The following SMIM35 variants were observed in gnomAD, a reference collection of about 807,000 sequenced individuals.
SMIM35 encodes the protein TMPRSS4 antisense RNA 1 (non-protein coding).
At chr11:118,067,642 T>C (rs1233396244) in intron 1 of SMIM35, 1 of 151,702 alleles carries the variant, frequency 6.6e-6, no homozygotes, top group African/African-American at 2.4e-5. Flanking sequence ...AAGACCAGCC[T>C]GGCCAAGATG....
chr11:118,061,707 G>T (rs1389708469), intron 1 of SMIM35, among the ~76,000 whole-genome samples: 1 of 152,088 alleles, frequency 6.6e-6, no homozygotes, highest in Non-Finnish European at 1.5e-5. Flanking sequence ...GCTGGACACC[G>T]ATTAGCTTGG....
chr11:118,085,569 A>G (rs1310082816), intron 1 of SMIM35, among the ~76,000 whole-genome samples: 1 of 152,136 alleles, frequency 6.6e-6, no homozygotes, highest in Non-Finnish European at 1.5e-5. Flanking sequence ...AGATGGTATA[A>G]ACTCTGTCTT....
At position 118,025,393 on chromosome 11, in the gene SMIM35, T is replaced by C. The variant is rs759578902; in HGVS notation, c.8-9584A>G. The C allele has an allele frequency of 1.1e-5, 4 of 377,086 alleles. No homozygotes were observed. The East Asian group carries it at 2.4e-4, about 23-fold the overall frequency. 23.4% of individuals were successfully genotyped at this position (377,086 alleles called of 1,614,324 possible). On this transcript the variant is annotated intron_variant, in intron 1 of 4. Coordinates refer to ENST00000689828, the MANE Select transcript of SMIM35 (RefSeq NM_001394165.1). ...TTTACATTTTACATTTACATTTTAA[T>C]TTACATTTCGACCAACAGTGTGTAA...
At chr11:118,038,222 T>C (rs1315161888) in intron 1 of SMIM35, among the ~76,000 whole-genome samples, 1 of 152,336 alleles carries the variant, frequency 6.6e-6, no homozygotes, top group East Asian at 1.9e-4. Context: ...TGAACTGAAC[T>C]CCAGACCCCT....
At chr11:118,011,381 G>A (rs2058149795) in intron 4 of SMIM35, among the ~76,000 whole-genome samples, 1 of 152,174 alleles carries the variant, frequency 6.6e-6, no homozygotes, top group Non-Finnish European at 1.5e-5. Flanking sequence ...TGCTAGGCAG[G>A]GTGCGGGTAC....
intron 1 of SMIM35, among the ~76,000 whole-genome samples, chr11:118,041,144 A>G (rs778735498): frequency 6.6e-6 from 1 of 152,176 alleles, no homozygotes; most frequent in African/African-American, 2.4e-5. Flanking sequence ...TAATTAAAAC[A>G]TTAAGCATCA....
chr11:118,012,804 T>A lies in SMIM35; in HGVS notation c.*33+944A>T, dbSNP rs566574966. Among the ~76,000 whole-genome samples the A allele has an allele frequency of 2.4e-4, 36 of 152,270 alleles. No individual in the cohort carries two copies. The South Asian group carries it at 7.2e-3, about 31-fold the overall frequency. ...GCCTCAGGTGGGAATGTTAAAACCA[T>A]GTCTGGAATCACCTCTGTATAACTT... On this transcript the variant is annotated intron_variant, in intron 4 of 4. Coordinates refer to ENST00000689828, the MANE Select transcript of SMIM35 (RefSeq NM_001394165.1).
intron 1 of SMIM35, among the ~76,000 whole-genome samples, chr11:118,035,876 A>C (rs2058355758): frequency 6.9e-6 from 1 of 145,050 alleles, no homozygotes; most frequent in African/African-American, 2.5e-5. Context: ...GTATCCTAAT[A>C]TGTGGTGTTT....
chr11:118,035,911 C>T (rs761033399), intron 1 of SMIM35, among the ~76,000 whole-genome samples: 37 of 148,484 alleles, frequency 2.5e-4, no homozygotes, highest in Non-Finnish European at 4.8e-4. Context: ...TTGACAGAGT[C>T]GAGTCTCGCT....
At chr11:118,064,645 CTAT>C (rs368416382) in intron 1 of SMIM35, among the ~76,000 whole-genome samples, 1 of 149,864 alleles carries the variant, frequency 6.7e-6, no homozygotes. Flanking sequence ...TTTTTCATCA[CTAT>C]TATTATTATT....
intron 1 of SMIM35, among the ~76,000 whole-genome samples, chr11:118,034,092 A>G (rs924361430): frequency 2.6e-5 from 4 of 151,510 alleles, no homozygotes; most frequent in African/African-American, 9.7e-5. Flanking sequence ...ACATGGTGAA[A>G]CCCCATCTCT....
At chr11:118,085,235 T>TTTC (rs1389910195) in intron 1 of SMIM35, among the ~76,000 whole-genome samples, 1 of 151,524 alleles carries the variant, frequency 6.6e-6, no homozygotes, top group Non-Finnish European at 1.5e-5. Context: ...TCTTTTTTTT[T>TTTC]TTTTTTGAGA....
At chr11:118,078,287 C>T (rs970701322) in intron 1 of SMIM35, among the ~76,000 whole-genome samples, 1 of 152,036 alleles carries the variant, frequency 6.6e-6, no homozygotes, top group African/African-American at 2.4e-5. Context: ...CTTCCTTCTC[C>T]AGTCCTTGGC....
intron 1 of SMIM35, among the ~76,000 whole-genome samples, chr11:118,072,653 A>G (rs1591312206): frequency 6.6e-6 from 1 of 152,320 alleles, no homozygotes; most frequent in East Asian, 1.9e-4. Context: ...AAGGTTTCCA[A>G]ACCCCCAAGT....
At chr11:118,071,502 G>T (rs563833524) in intron 1 of SMIM35, among the ~76,000 whole-genome samples, 2 of 152,266 alleles carry the variant, frequency 1.3e-5, no homozygotes, top group South Asian at 4.2e-4. Flanking sequence ...AAGACACTGG[G>T]TTCCCTCCAC....
intron 1 of SMIM35, among the ~76,000 whole-genome samples, chr11:118,044,803 A>C (rs796783270): frequency 0.27 from 36,937 of 138,776 alleles, 5,460 homozygotes; most frequent in South Asian, 0.29. Flanking sequence ...CATTCTACTA[A>C]AAAAAAAACA....
intron 1 of SMIM35, among the ~76,000 whole-genome samples, chr11:118,056,025 G>A (rs1218522562): frequency 6.6e-6 from 1 of 152,082 alleles, no homozygotes; most frequent in Non-Finnish European, 1.5e-5. Flanking sequence ...GGTGAAGGAA[G>A]AAGAGGCTCT....
intron 1 of SMIM35, among the ~76,000 whole-genome samples, chr11:118,062,338 A>G (rs889570861): frequency 6.6e-6 from 1 of 152,150 alleles, no homozygotes. Context: ...TCAAAAACAA[A>G]CAAACAAAAG....
chr11:118,046,153 A>C (rs1944094378), intron 1 of SMIM35, among the ~76,000 whole-genome samples: 1 of 151,614 alleles, frequency 6.6e-6, no homozygotes, highest in Admixed American at 6.6e-5. Context: ...GACAGAGACC[A>C]GTTAGGCACC....
Sources: allele counts gnomAD v4.1 joint callset (sites outside exome capture counted in the v4.1 genomes callset), GRCh38; gene constraint gnomAD v4.1.1; transcripts MANE v1.5; gene names NCBI Gene and HGNC (gene_info 2026-07-23, HGNC 2026-07-21).